Variants in DCP2 observed in about 807,000 individuals in gnomAD.
The protein encoded by DCP2 is decapping mRNA 2.
A neutral mutation model predicts 56.1 loss-of-function variants in DCP2; 30 were observed. The observed-to-expected ratio is 0.53, with a 90% CI of 0.40 to 0.73. DCP2 has a LOEUF of 0.73. Ranked by LOEUF, DCP2 falls within the 30% of genes least tolerant of loss-of-function variation. The probability of loss-of-function intolerance (pLI) is 0.00; values close to 1 mark genes in which losing one functional copy is unlikely to be tolerated. For synonymous variants in DCP2, 197 were observed against 163.3 expected (o/e 1.21, Z -1.57); for missense variants, 533 against 502.7 (o/e 1.06, Z -0.58).
rs769182721 is a variant in DCP2 at position 113,019,680 on chromosome 5, C to G, written c.*6196C>G. On this transcript the variant is annotated 3_prime_UTR_variant, in exon 11 of 11. Coordinates refer to ENST00000389063, the MANE Select transcript of DCP2 (RefSeq NM_152624.6). ...AACCATGAACTATTTTGCTTTATGTCTGTTTTTAAAAAATAATTGTTTTGA... is the reference window on the plus strand; with the variant it reads ...AACCATGAACTATTTTGCTTTATGTGTGTTTTTAAAAAATAATTGTTTTGA... 2 of 152,128 alleles carry G rather than the reference C, an allele frequency of 1.3e-5. No individual in the cohort carries two copies. Among genetic ancestry groups the G allele is most frequent in the Non-Finnish European group, 2.9e-5 (2 of 68,004 alleles). 9.4% of individuals were successfully genotyped at this position (152,128 alleles called of 1,614,324 possible).
In DCP2 at chr5:113,016,999, G is replaced by A. The variant is rs929848013; in HGVS notation, c.*3515G>A. ...TGGGATTACAGGCATGCGCCACCACGCCCTGCTAATTCTGTCTTTTTAGTA... is the reference window on the plus strand; with the variant it reads ...TGGGATTACAGGCATGCGCCACCACACCCTGCTAATTCTGTCTTTTTAGTA... On this transcript the variant is annotated 3_prime_UTR_variant, in exon 11 of 11. Transcript: ENST00000389063. The A allele has an allele frequency of 6.6e-6, 1 of 152,044 alleles. No homozygotes were observed. Among genetic ancestry groups the A allele is most frequent in the Non-Finnish European group, 1.5e-5 (1 of 68,062 alleles). The allele number at this position is 152,044 out of a possible 1,614,324, so 9.4% of individuals were successfully genotyped here. A position where few individuals can be genotyped will look rare whatever the true frequency, so the allele number is the denominator to read the frequency against.
intron 4 of DCP2, among the ~76,000 whole-genome samples, chr5:113,000,673 C>T (rs1219171709): frequency 6.6e-6 from 1 of 152,158 alleles, no homozygotes; most frequent in Non-Finnish European, 1.5e-5. Context: ...TTGGAATGCT[C>T]AGACAGCTTG....
chr5:112,989,444 T>C (rs1748472822), intron 2 of DCP2, among the ~76,000 whole-genome samples: 1 of 150,704 alleles, frequency 6.6e-6, no homozygotes, highest in Admixed American at 6.6e-5. Flanking sequence ...AAAAAAAAGA[T>C]TTGGGAGCTA....
rs1750159042 is a variant in DCP2 at position 113,021,866 on chromosome 5, ACT to A, written c.*8387_*8388del. Among the ~76,000 whole-genome samples the A allele has an allele frequency of 6.6e-6, 1 of 152,148 alleles. No individual in the cohort carries two copies. The highest frequency in any genetic ancestry group is 1.5e-5 in the Non-Finnish European group (1 of 68,030). ...TGATCTTTCTTTAAGAGGGGAAAAG[ACT>A]CTCTTCAATAGATAACTTCCTATTT... On this transcript the variant is annotated 3_prime_UTR_variant, in exon 11 of 11. Coordinates refer to ENST00000389063, the MANE Select transcript of DCP2 (RefSeq NM_152624.6).
chr5:113,016,237 A>G lies in DCP2; in HGVS notation c.*2753A>G, dbSNP rs948972605. The G allele has an allele frequency of 4.4e-4, 67 of 152,728 alleles. No individual in the cohort carries two copies. The highest frequency in any genetic ancestry group is 1.6e-3 in the African/African-American group (66 of 41,556). The allele number at this position is 152,728 out of a possible 1,614,324, so 9.5% of individuals were successfully genotyped here. A position where few individuals can be genotyped will look rare whatever the true frequency, so the allele number is the denominator to read the frequency against. ...ATTTTTGTTAAGAAGTAGCAAATGA[A>G]TGGTTTAGGATTTCAAATAGTGATA... On this transcript the variant is annotated 3_prime_UTR_variant, in exon 11 of 11. Coordinates refer to ENST00000389063, the MANE Select transcript of DCP2 (RefSeq NM_152624.6).
intron 1 of DCP2, chr5:112,984,801 C>T (rs1457655440): frequency 7.2e-6 from 1 of 139,318 alleles, no homozygotes; most frequent in Admixed American, 7.2e-5. Context: ...AACACCTCGG[C>T]TCAAGTGATC....
chr5:113,007,910 C>G, intron 8 of DCP2, 28 bp from the exon 9 acceptor site: 4 of 1,582,448 alleles, frequency 2.5e-6, no homozygotes, highest in Non-Finnish European at 3.5e-6. Flanking sequence ...GCTATAGATT[C>G]ATATTATATT....
Position 113,004,011 on chromosome 5 carries a change from C to T in DCP2, c.876C>T (p.His292=). The part of the protein sequence containing the change: ...DGSPGDQWVK[H]RQPLQQKPYN... ...CTCCTGGTGACCAGTGGGTAAAGCA[C>T]AGGCAACCACTGCAGCAAAAGCCAT... Residue 292 remains histidine (H), a synonymous_variant, in exon 8 of 11, where the codon CAC becomes CAT. Transcript: ENST00000389063. The T allele has an allele frequency of 1.2e-6, 2 of 1,614,102 alleles. No individual in the cohort carries two copies. Among genetic ancestry groups the T allele is most frequent in the Non-Finnish European group, 1.7e-6 (2 of 1,179,980 alleles).
intron 4 of DCP2, among the ~76,000 whole-genome samples, chr5:112,994,178 T>C (rs1173849965): frequency 6.8e-6 from 1 of 146,096 alleles, no homozygotes; most frequent in Admixed American, 6.8e-5. Context: ...TTTTTTTTTT[T>C]TTTTTTTTTT....
chr5:112,985,843 T>C lies in DCP2; in HGVS notation c.62T>C (p.Ile21Thr). ...TGTTTTGTTTTTGACAGCCGATTTA[T>C]TTTGCATATTCCCAGCGAGGAAAGA... ...SVLDDLCSRF[I>T]LHIPSEERDN... Residue 21 changes from isoleucine (I) to threonine (T), a missense_variant, in exon 2 of 11, where the codon ATT (isoleucine) becomes ACT (threonine). Around this residue, in one of 3 missense-constraint regions of DCP2, gnomAD observed 137 missense variants for 138.2 expected, o/e 0.99. Transcript: ENST00000389063. 4 of 1,601,970 alleles carry C rather than the reference T, an allele frequency of 2.5e-6. No homozygotes were observed. Among genetic ancestry groups the C allele is most frequent in the Non-Finnish European group, 2.6e-6 (3 of 1,169,706 alleles).
rs150445267 is a variant in DCP2 at position 113,013,386 on chromosome 5, G to A, written c.1165G>A (p.Val389Met). 1.3e-4 allele frequency: 208 copies of A among 1,613,976 alleles called. No individual in the cohort carries two copies. Among genetic ancestry groups the A allele is most frequent in the Middle Eastern group, 8.2e-4 (5 of 6,082 alleles). ...QLLEHAEGQP[V>M]ACNGHCKFPF... ...GCTAGAACATGCTGAGGGACAGCCC[G>A]TGGCATGTAATGGACATTGCAAGTT... Residue 389 changes from valine (V) to methionine (M), a missense_variant, in exon 11 of 11, where the codon GTG (valine) becomes ATG (methionine). This residue lies in a region of DCP2 where 392 missense variants were observed against 346.6 expected (regional missense o/e 1.13). Transcript: ENST00000389063.
At chr5:113,005,383 T>G (rs35366622) in intron 8 of DCP2, among the ~76,000 whole-genome samples, 1 of 151,784 alleles carries the variant, frequency 6.6e-6, no homozygotes, top group Non-Finnish European at 1.5e-5. Context: ...AAAGAAGATA[T>G]GCAAATGGCT....
At chr5:112,988,655 T>C (rs193056253) in intron 2 of DCP2, among the ~76,000 whole-genome samples, 1 of 152,304 alleles carries the variant, frequency 6.6e-6, no homozygotes, top group East Asian at 1.9e-4. Flanking sequence ...TCAAACCGTT[T>C]GATTAAATGT....
rs1749985088 is a variant in DCP2 at position 113,018,574 on chromosome 5, T to G, written c.*5090T>G. On this transcript the variant is annotated 3_prime_UTR_variant, in exon 11 of 11. Coordinates refer to ENST00000389063, the MANE Select transcript of DCP2 (RefSeq NM_152624.6). ...ACATGGACCCTAACCTTTAGTAGAC[T>G]TCAGTCTTTTAGTCCAGTAGAAGAC... The G allele has an allele frequency of 1.3e-5, 2 of 152,316 alleles. No individual in the cohort carries two copies. The highest frequency in any genetic ancestry group is 4.1e-4 in the South Asian group (2 of 4,826). 9.4% of individuals were successfully genotyped at this position (152,316 alleles called of 1,614,324 possible). A position where few individuals can be genotyped will look rare whatever the true frequency, so the allele number is the denominator to read the frequency against.
In DCP2 at chr5:113,018,765, T is replaced by G. The variant is rs1749993003; in HGVS notation, c.*5281T>G. On this transcript the variant is annotated 3_prime_UTR_variant, in exon 11 of 11. Coordinates refer to ENST00000389063, the MANE Select transcript of DCP2 (RefSeq NM_152624.6). ...GGCCAGGAAAAAGTCCATTGAGTCC[T>G]TTTTTTCTCCCTGGTGTCTTACCCC... 1 of 152,192 alleles carries G rather than the reference T, an allele frequency of 6.6e-6. No individual in the cohort carries two copies. Among genetic ancestry groups the G allele is most frequent in the South Asian group, 2.1e-4 (1 of 4,838 alleles). 9.4% of individuals were successfully genotyped at this position (152,192 alleles called of 1,614,324 possible). A position where few individuals can be genotyped will look rare whatever the true frequency, so the allele number is the denominator to read the frequency against.
chr5:113,002,582 A>G (rs1426471016), intron 7 of DCP2, among the ~76,000 whole-genome samples: 1 of 152,040 alleles, frequency 6.6e-6, no homozygotes, highest in African/African-American at 2.4e-5. Context: ...AGTACGTGGC[A>G]TGATCACAGC....
chr5:112,992,862 C>CTTATG (rs1478938636), intron 4 of DCP2, 92 bp downstream of exon 4: 1 of 862,482 alleles, frequency 1.2e-6, no homozygotes, highest in African/African-American at 1.8e-5. Context: ...TTTGGACTGT[C>CTTATG]TTAACCCTTT....
intron 3 of DCP2, 33 bp from the exon 4 acceptor site, chr5:112,992,639 C>A: frequency 2.1e-6 from 3 of 1,462,676 alleles, no homozygotes; most frequent in Non-Finnish European, 2.8e-6. Context: ...AAAAGGAGGG[C>A]AAGTTTGATT....
chr5:112,988,445 T>C (rs536839914), intron 2 of DCP2, among the ~76,000 whole-genome samples: 9 of 143,870 alleles, frequency 6.3e-5, no homozygotes, highest in African/African-American at 2.3e-4. Context: ...TGAGCCGAGT[T>C]CGCGCCACTG....
Sources: gnomAD v4.1 joint callset for allele counts (sites outside exome capture counted in the v4.1 genomes callset) on GRCh38, gnomAD v4.1.1 for gene constraint, gnomAD v4.1.1 regional missense constraint, MANE v1.5 for transcripts, NCBI Gene and HGNC (gene_info 2026-07-23, HGNC 2026-07-21) for gene names.